The following CTNNA2 variants were observed in gnomAD, a reference collection of about 807,000 sequenced individuals.
CTNNA2 encodes catenin alpha 2.
A neutral mutation model predicts 101.0 loss-of-function variants in CTNNA2; 42 were observed. That is an observed-to-expected ratio of 0.42 (90% confidence interval 0.32 to 0.54). CTNNA2 has a LOEUF of 0.54. Among genes scored for constraint, CTNNA2 ranks in the 20% least tolerant of loss-of-function variants. The pLI is 0.14. For missense variants in CTNNA2, 871 were observed against 1,223.1 expected (o/e 0.71, Z 4.29); for synonymous variants, 450 against 456.4 (o/e 0.99, Z 0.18).
chr2:79,686,284 GATGGATGCT>G (rs1053623658), intron 2 of CTNNA2, among the ~76,000 whole-genome samples: 26 of 152,066 alleles, frequency 1.7e-4, no homozygotes, highest in Admixed American at 8.5e-4. Flanking sequence ...TCAGGAGAAG[GATGGATGCT>G]ATTTATTATA....
intron 3 of CTNNA2, among the ~76,000 whole-genome samples, chr2:79,345,617 G>A (rs1321762034): frequency 6.6e-6 from 1 of 152,096 alleles, no homozygotes; most frequent in Non-Finnish European, 1.5e-5. Context: ...TTAATCATTT[G>A]TTCTGAGGGG....
At chr2:80,150,940 C>T (rs1703658113) in intron 7 of CTNNA2, among the ~76,000 whole-genome samples, 1 of 152,300 alleles carries the variant, frequency 6.6e-6, no homozygotes, top group East Asian at 1.9e-4. Context: ...GGGAACCAGT[C>T]TCCCATCACT....
At chr2:79,288,077 A>G (rs190303643) in intron 2 of CTNNA2, among the ~76,000 whole-genome samples, 1 of 152,306 alleles carries the variant, frequency 6.6e-6, no homozygotes, top group African/African-American at 2.4e-5. Flanking sequence ...GCGCTTGCCA[A>G]GTGAGGCAAT....
At chr2:79,326,125 T>C (rs926435928) in intron 3 of CTNNA2, among the ~76,000 whole-genome samples, 2 of 152,152 alleles carry the variant, frequency 1.3e-5, no homozygotes, top group Non-Finnish European at 2.9e-5. Flanking sequence ...ATTCATCACT[T>C]ATTGAGCATG....
intron 2 of CTNNA2, among the ~76,000 whole-genome samples, chr2:79,682,481 A>T (rs1023852823): frequency 6.6e-6 from 1 of 151,762 alleles, no homozygotes; most frequent in African/African-American, 2.4e-5. Context: ...ATGTGGTTCC[A>T]TTCTTTTGGC....
intron 3 of CTNNA2, among the ~76,000 whole-genome samples, chr2:79,847,684 ATTG>A (rs1370024376): frequency 6.6e-6 from 1 of 150,898 alleles, no homozygotes; most frequent in Non-Finnish European, 1.5e-5. Context: ...CCTCCAAGGT[ATTG>A]TTAAAGTCTG....
intron 4 of CTNNA2, among the ~76,000 whole-genome samples, chr2:79,407,890 T>C (rs1290305413): frequency 1.3e-5 from 2 of 152,084 alleles, no homozygotes; most frequent in Non-Finnish European, 2.9e-5. Flanking sequence ...CAGTTTTCTG[T>C]GCAAAACATA....
intron 7 of CTNNA2, among the ~76,000 whole-genome samples, chr2:80,289,387 T>C (rs1481769556): frequency 6.6e-6 from 1 of 152,204 alleles, no homozygotes; most frequent in Non-Finnish European, 1.5e-5. Context: ...CTTGCCCTAC[T>C]AATCTCTACC....
chr2:80,501,210 T>C (rs956910769), intron 9 of CTNNA2, among the ~76,000 whole-genome samples: 19 of 152,226 alleles, frequency 1.2e-4, no homozygotes, highest in African/African-American at 4.6e-4. Context: ...ACTTGATTGC[T>C]TAGGCCAGTA....
intron 7 of CTNNA2, among the ~76,000 whole-genome samples, chr2:80,363,112 A>C (rs1321958782): frequency 6.6e-6 from 1 of 152,118 alleles, no homozygotes; most frequent in African/African-American, 2.4e-5. Flanking sequence ...ACATGTCCTA[A>C]ATAATTATTT....
At chr2:80,065,025 A>G (rs1018987565) in intron 7 of CTNNA2, among the ~76,000 whole-genome samples, 1 of 152,206 alleles carries the variant, frequency 6.6e-6, no homozygotes, top group African/African-American at 2.4e-5. Context: ...ATGCAAGTTT[A>G]TCCTCCAAGT....
chr2:79,812,138 G>T (rs1359840726), intron 3 of CTNNA2, among the ~76,000 whole-genome samples: 1 of 152,028 alleles, frequency 6.6e-6, no homozygotes, highest in African/African-American at 2.4e-5. Context: ...GTCATTTTTT[G>T]TAGATTCTTT....
intron 7 of CTNNA2, among the ~76,000 whole-genome samples, chr2:80,186,500 T>G (rs1366248189): frequency 1.3e-5 from 2 of 152,182 alleles, no homozygotes; most frequent in Non-Finnish European, 2.9e-5. Context: ...GTGGATTGAG[T>G]AGATTGTCAC....
At chr2:79,822,764 C>A (rs954798170) in intron 3 of CTNNA2, among the ~76,000 whole-genome samples, 1 of 152,180 alleles carries the variant, frequency 6.6e-6, no homozygotes, top group Non-Finnish European at 1.5e-5. Context: ...AAGACACACA[C>A]CTTATATCTG....
At chr2:80,137,482 C>A (rs1040678440) in intron 7 of CTNNA2, among the ~76,000 whole-genome samples, 2 of 152,038 alleles carry the variant, frequency 1.3e-5, no homozygotes, top group Non-Finnish European at 2.9e-5. Flanking sequence ...TTTAAAAAAT[C>A]TCCTTGAATT....
At chr2:79,846,892 A>T (rs1443488069) in intron 3 of CTNNA2, among the ~76,000 whole-genome samples, 1 of 152,242 alleles carries the variant, frequency 6.6e-6, no homozygotes, top group Non-Finnish European at 1.5e-5. Flanking sequence ...TAGAAACCAG[A>T]TCTATTTCTT....
At chr2:80,329,711 C>T (rs535233400) in intron 7 of CTNNA2, among the ~76,000 whole-genome samples, 3 of 152,268 alleles carry the variant, frequency 2.0e-5, no homozygotes, top group Non-Finnish European at 4.4e-5. Flanking sequence ...ACATTGGAAC[C>T]TTTGATGTGG....
rs534931034 is a variant in CTNNA2 at position 80,480,558 on chromosome 2, A to G, written c.1290+60957A>G. On this transcript the variant is annotated intron_variant, in intron 9 of 18. Transcript: ENST00000402739. The stretch of plus-strand genomic sequence containing the variant: ...CGTTGCTTGTGAGAAAACTAGGCCT[A>G]TTGTGCGACCTGAACCTATTGATGT... Among the ~76,000 whole-genome samples, 14 of 152,220 alleles carry G rather than the reference A, an allele frequency of 9.2e-5. No homozygotes were observed. The East Asian group carries it at 2.7e-3, about 29-fold the overall frequency.
At chr2:79,863,525 G>A (rs566062565) in intron 4 of CTNNA2, among the ~76,000 whole-genome samples, 15 of 152,310 alleles carry the variant, frequency 9.8e-5, no homozygotes, top group East Asian at 7.7e-4. Flanking sequence ...CCATCACAGA[G>A]TTGAGGGATG....
Sources: gnomAD v4.1 joint callset for allele counts (sites outside exome capture counted in the v4.1 genomes callset) on GRCh38, gnomAD v4.1.1 for gene constraint, MANE v1.5 for transcripts, NCBI Gene and HGNC (gene_info 2026-07-23, HGNC 2026-07-21) for gene names.